The following RABGAP1L variants were observed in gnomAD, a reference collection of about 807,000 sequenced individuals.
The protein encoded by RABGAP1L is rab GTPase-activating protein 1-like.
A neutral mutation model predicts 137.7 loss-of-function variants in RABGAP1L; 63 were observed. The observed-to-expected ratio is 0.46, with a 90% CI of 0.37 to 0.56. RABGAP1L has a LOEUF of 0.56. Among genes scored for constraint, RABGAP1L ranks in the 20% least tolerant of loss-of-function variants. The pLI is 0.00. For synonymous variants in RABGAP1L, 431 were observed against 433.7 expected, an observed-to-expected ratio of 0.99 and a Z score of 0.08; for missense variants, 1,095 against 1,244.0, an observed-to-expected ratio of 0.88 and a Z score of 1.80.
chr1:174,696,049 T>G (rs1679233019), intron 15 of RABGAP1L, among the ~76,000 whole-genome samples: 1 of 152,156 alleles, frequency 6.6e-6, no homozygotes, highest in African/African-American at 2.4e-5. Context: ...TGGCTGCAAC[T>G]GCACTTGGTC....
At chr1:174,346,609 CATTT>C (rs890559427) in intron 11 of RABGAP1L, among the ~76,000 whole-genome samples, 1 of 151,824 alleles carries the variant, frequency 6.6e-6, no homozygotes, top group African/African-American at 2.4e-5. Flanking sequence ...TCTCTGATTT[CATTT>C]ATTTGGGGCT....
intron 7 of RABGAP1L, among the ~76,000 whole-genome samples, chr1:174,253,400 A>G: frequency 6.6e-6 from 1 of 152,232 alleles, no homozygotes; most frequent in African/African-American, 2.4e-5. Context: ...TAGGCAACAT[A>G]TATAAAGATT....
Position 174,702,150 on chromosome 1 carries a change from T to TGAAC in RABGAP1L, c.2064_2067dup (p.Leu690GlufsTer30), listed in dbSNP as rs766674562. ...GACCTGCATAGCCATTTTTCTGATCTGAACCTGGAAGCTCATATGTATGCA... is the reference window on the plus strand; with the variant it reads ...GACCTGCATAGCCATTTTTCTGATCTGAACGAACCTGGAAGCTCATATGTATGCA... On this transcript the variant is annotated frameshift_variant, in exon 17 of 26. Transcript: ENST00000681986. LOFTEE classifies it high-confidence loss of function. The TGAAC allele has an allele frequency of 6.2e-7, 1 of 1,612,252 alleles. No homozygotes were observed. Among genetic ancestry groups the TGAAC allele is most frequent in the Admixed American group, 1.7e-5 (1 of 59,648 alleles).
rs1489618736 is a variant in RABGAP1L, at chr1:174,991,933, T to C, written c.*1932T>C. The C allele has an allele frequency of 6.6e-6, 1 of 152,244 alleles. No homozygotes were observed. The highest frequency in any genetic ancestry group is 2.4e-5 in the African/African-American group (1 of 41,464). The allele number at this position is 152,244 out of a possible 1,614,324, so 9.4% of individuals were successfully genotyped here. On this transcript the variant is annotated 3_prime_UTR_variant, in exon 26 of 26. Coordinates refer to ENST00000681986, the MANE Select transcript of RABGAP1L (RefSeq NM_001366446.1). ...TTGCCTTATCAAATGGCCAGCTAAATTAAAGATGCTCTTTTGTGTTGTGAA... is the reference window on the plus strand; with the variant it reads ...TTGCCTTATCAAATGGCCAGCTAAACTAAAGATGCTCTTTTGTGTTGTGAA...
At chr1:174,910,527 T>G (rs947647901) in intron 19 of RABGAP1L, among the ~76,000 whole-genome samples, 5 of 152,092 alleles carry the variant, frequency 3.3e-5, no homozygotes, top group Non-Finnish European at 7.4e-5. Flanking sequence ...TTATACCACT[T>G]TTTTTCAACG....
At chr1:174,664,378 A>G (rs181925650) in intron 14 of RABGAP1L, among the ~76,000 whole-genome samples, 67 of 152,320 alleles carry the variant, frequency 4.4e-4, no homozygotes, top group African/African-American at 1.5e-3. Context: ...TTAACCTCCA[A>G]TGAAGCCTTG....
chr1:174,706,775 C>A (rs1455018043), intron 17 of RABGAP1L, among the ~76,000 whole-genome samples: 9 of 152,192 alleles, frequency 5.9e-5, no homozygotes. Context: ...ACTTTCCTGA[C>A]TTTTAATGCC....
At chr1:174,520,599 T>G (rs1663278143) in intron 13 of RABGAP1L, among the ~76,000 whole-genome samples, 1 of 152,226 alleles carries the variant, frequency 6.6e-6, no homozygotes, top group East Asian at 1.9e-4. Flanking sequence ...GAAACTCCAG[T>G]AAATATTTTA....
intron 22 of RABGAP1L, among the ~76,000 whole-genome samples, chr1:174,977,229 T>C (rs907589319): frequency 1.3e-5 from 2 of 152,232 alleles, no homozygotes; most frequent in African/African-American, 4.8e-5. Flanking sequence ...GGTTTCTTTT[T>C]CCTTGGAATC....
At chr1:174,519,459 C>T (rs572155509) in intron 13 of RABGAP1L, among the ~76,000 whole-genome samples, 146 of 152,088 alleles carry the variant, frequency 9.6e-4, no homozygotes, top group African/African-American at 3.4e-3. Context: ...GCTTTATATT[C>T]GCTGGCAGCT....
chr1:174,514,180 A>G (rs1572124604), intron 13 of RABGAP1L, among the ~76,000 whole-genome samples: 1 of 151,280 alleles, frequency 6.6e-6, no homozygotes, highest in South Asian at 2.1e-4. Flanking sequence ...TCATGACAAC[A>G]ATGGAATCAT....
intron 1 of RABGAP1L, among the ~76,000 whole-genome samples, chr1:174,160,652 G>T (rs182457147): frequency 6.6e-6 from 1 of 152,220 alleles, no homozygotes; most frequent in Admixed American, 6.5e-5. Flanking sequence ...TGATTTTAAG[G>T]CCTTTATTTT....
intron 19 of RABGAP1L, among the ~76,000 whole-genome samples, chr1:174,940,344 C>T (rs188729325): frequency 6.6e-6 from 1 of 151,860 alleles, no homozygotes; most frequent in East Asian, 1.9e-4. Flanking sequence ...TCATAGCTCA[C>T]TGCAACCTCA....
At chr1:174,535,917 A>AT (rs1558317462) in intron 13 of RABGAP1L, among the ~76,000 whole-genome samples, 1 of 152,012 alleles carries the variant, frequency 6.6e-6, no homozygotes, top group Non-Finnish European at 1.5e-5. Context: ...GACCTTGAAA[A>AT]TTTTTTTCTT....
chr1:174,518,311 C>G (rs1014988147), intron 13 of RABGAP1L, among the ~76,000 whole-genome samples: 5 of 152,038 alleles, frequency 3.3e-5, no homozygotes, highest in African/African-American at 1.2e-4. Context: ...GGTTTCAGGA[C>G]GCCCACAGAC....
intron 18 of RABGAP1L, among the ~76,000 whole-genome samples, chr1:174,754,127 G>A (rs1388790664): frequency 6.6e-6 from 1 of 152,166 alleles, no homozygotes; most frequent in Non-Finnish European, 1.5e-5. Flanking sequence ...CACTGGGCAG[G>A]AAGGCTTTGT....
At chr1:174,364,412 G>A (rs868550816) in intron 11 of RABGAP1L, among the ~76,000 whole-genome samples, 10 of 149,728 alleles carry the variant, frequency 6.7e-5, no homozygotes, top group South Asian at 4.3e-4. Flanking sequence ...CCGCCACTAC[G>A]CCCGGCTAAT....
intron 18 of RABGAP1L, among the ~76,000 whole-genome samples, chr1:174,756,615 A>G (rs1684786639): frequency 6.6e-6 from 1 of 152,112 alleles, no homozygotes; most frequent in South Asian, 2.1e-4. Flanking sequence ...CATTCAGGAA[A>G]GCTGGTGACT....
At chr1:174,676,400 C>G (rs558644229) in intron 14 of RABGAP1L, among the ~76,000 whole-genome samples, 1 of 152,188 alleles carries the variant, frequency 6.6e-6, no homozygotes, top group Non-Finnish European at 1.5e-5. Flanking sequence ...GTAGAATTCA[C>G]TAGGTTACTG....
Sources: gnomAD v4.1 joint callset for allele counts (sites outside exome capture counted in the v4.1 genomes callset) on GRCh38, gnomAD v4.1.1 for gene constraint, MANE v1.5 for transcripts, NCBI Gene and HGNC (gene_info 2026-07-23, HGNC 2026-07-21) for gene names.